SPRY3: variants seen among roughly 807,000 people sequenced by gnomAD.
SPRY3 encodes the protein protein sprouty homolog 3.
SPRY3 carries 15 observed loss-of-function variants against 20.2 expected under a neutral mutation model. The ratio of observed to expected loss-of-function variants is 0.74; its 90% CI spans 0.50 to 1.14. SPRY3 has a LOEUF of 1.14. SPRY3 is among the 50% of genes most tolerant of loss of function. The probability of loss-of-function intolerance (pLI) is 0.00; values close to 1 mark genes in which losing one functional copy is unlikely to be tolerated. For missense variants in SPRY3, 364 were observed against 363.9 expected, an observed-to-expected ratio of 1.00 and a Z score of 0.00; for synonymous variants, 143 against 136.5, an observed-to-expected ratio of 1.05 and a Z score of -0.33.
At chrX:155,755,356 C>T (rs1293456362) in intron 2 of SPRY3, among the ~76,000 whole-genome samples, 1 of 152,062 alleles carries the variant, frequency 6.6e-6, no homozygotes, top group Non-Finnish European at 1.5e-5. Flanking sequence ...TGTAACTACT[C>T]CCTCTTTATT....
intron 2 of SPRY3, among the ~76,000 whole-genome samples, chrX:155,681,062 C>A (rs941468117): frequency 5.4e-5 from 6 of 111,275 alleles, no homozygotes; most frequent in African/African-American, 2.0e-4. Flanking sequence ...AATTAATAAT[C>A]ATACAGTGGC....
At chrX:155,715,529 C>T (rs1289880825) in intron 2 of SPRY3, among the ~76,000 whole-genome samples, 1 of 152,036 alleles carries the variant, frequency 6.6e-6, no homozygotes, top group Non-Finnish European at 1.5e-5. Context: ...GTGAGCTGCA[C>T]TGCCTGTGAT....
At chrX:155,768,810 G>C (rs1426984326) in intron 3 of SPRY3, among the ~76,000 whole-genome samples, 1 of 152,090 alleles carries the variant, frequency 6.6e-6, no homozygotes, top group Non-Finnish European at 1.5e-5. Flanking sequence ...TAAGACCTAG[G>C]GCAATGGTTT....
chrX:155,709,009 T>A (rs1407800282), intron 2 of SPRY3, among the ~76,000 whole-genome samples: 2 of 151,604 alleles, frequency 1.3e-5, no homozygotes, highest in Admixed American at 6.6e-5. Flanking sequence ...GATCTCATTA[T>A]TTTTTATGAC....
At chrX:155,762,519 G>A (rs2091308398) in intron 2 of SPRY3, among the ~76,000 whole-genome samples, 1 of 152,066 alleles carries the variant, frequency 6.6e-6, no homozygotes, top group African/African-American at 2.4e-5. Flanking sequence ...ATGAGTGGAG[G>A]CTAACAGAGA....
intron 1 of SPRY3, among the ~76,000 whole-genome samples, chrX:155,651,675 C>A (rs2067977893): frequency 9.0e-6 from 1 of 111,679 alleles, no homozygotes; most frequent in Non-Finnish European, 1.9e-5. Context: ...TACCAATTTT[C>A]ATTTTATGTA....
At chrX:155,655,717 C>T (rs782435700) in intron 1 of SPRY3, among the ~76,000 whole-genome samples, 2 of 111,049 alleles carry the variant, frequency 1.8e-5, no homozygotes, top group Admixed American at 9.6e-5. Context: ...ATACCACTAC[C>T]GTGCTGTTTT....
chrX:155,660,152 A>G (rs1284647991), intron 2 of SPRY3, among the ~76,000 whole-genome samples: 1 of 111,522 alleles, frequency 9.0e-6, no homozygotes, highest in African/African-American at 3.3e-5. Context: ...TTTTGAATGT[A>G]GGCATTTAAT....
intron 1 of SPRY3, among the ~76,000 whole-genome samples, chrX:155,639,746 A>G (rs903225790): frequency 1.8e-5 from 2 of 112,117 alleles, no homozygotes; most frequent in African/African-American, 6.5e-5. Flanking sequence ...GGATTGCTGG[A>G]TCACATGATA....
chrX:155,760,660 T>C (rs2091300601), intron 2 of SPRY3, among the ~76,000 whole-genome samples: 1 of 152,168 alleles, frequency 6.6e-6, no homozygotes, highest in East Asian at 1.9e-4. Context: ...CTTTTCCGCC[T>C]CAGATTGTCA....
chrX:155,735,086 C>T (rs1378251966), intron 2 of SPRY3, among the ~76,000 whole-genome samples: 4 of 151,362 alleles, frequency 2.6e-5, no homozygotes, highest in African/African-American at 7.3e-5. Context: ...TTAACTTTTT[C>T]TGAGATTTTA....
intron 2 of SPRY3, among the ~76,000 whole-genome samples, chrX:155,761,156 A>C (rs2091302495): frequency 6.6e-6 from 1 of 152,116 alleles, no homozygotes; most frequent in Non-Finnish European, 1.5e-5. Context: ...TAAGTCACCA[A>C]TACCCTATGG....
exon 2 of SPRY3, chrX:155,782,421 CTTAT>C (rs1304232081): frequency 3.0e-5 from 5 of 166,988 alleles, no homozygotes; most frequent in East Asian, 3.9e-4. Context: ...CATCTGGCTA[CTTAT>C]TTGTTAAAAA....
exon 4 of SPRY3, chrX:155,775,980 C>G (rs2091422788): frequency 6.0e-6 from 1 of 167,096 alleles, no homozygotes; most frequent in South Asian, 2.1e-4. Flanking sequence ...GGACTTGCCC[C>G]CAAGGCCGCA....
intron 2 of SPRY3, among the ~76,000 whole-genome samples, chrX:155,716,800 G>A (rs944396002): frequency 6.6e-6 from 1 of 151,072 alleles, no homozygotes; most frequent in Admixed American, 6.6e-5. Context: ...TCAAATAACT[G>A]TAGTCCATAA....
chrX:155,717,005 TATATATAG>T (rs2091028065), intron 2 of SPRY3, among the ~76,000 whole-genome samples: 1 of 113,032 alleles, frequency 8.8e-6, no homozygotes, highest in Non-Finnish European at 1.8e-5. Context: ...TATATATATA[TATATATAG>T]CTGGGCGTGG....
intron 2 of SPRY3, among the ~76,000 whole-genome samples, chrX:155,713,573 T>C (rs2091001591): frequency 1.3e-5 from 2 of 152,180 alleles, no homozygotes; most frequent in Non-Finnish European, 1.5e-5. Context: ...CTGCCAGACA[T>C]ATTGAAGCTC....
intron 2 of SPRY3, among the ~76,000 whole-genome samples, chrX:155,671,724 G>A (rs1557354772): frequency 9.0e-6 from 1 of 111,301 alleles, no homozygotes; most frequent in Non-Finnish European, 1.9e-5. Flanking sequence ...CCTTGCCCAT[G>A]CCTATGTCCT....
chrX:155,764,425 A>T (rs1432812367), intron 2 of SPRY3, among the ~76,000 whole-genome samples: 1 of 152,230 alleles, frequency 6.6e-6, no homozygotes, highest in Non-Finnish European at 1.5e-5. Context: ...ATATAATTGT[A>T]CTATAGTGAT....
Sources: allele counts gnomAD v4.1 joint callset (sites outside exome capture counted in the v4.1 genomes callset), GRCh38; gene constraint gnomAD v4.1.1; transcripts MANE v1.5; gene names NCBI Gene and HGNC (gene_info 2026-07-23, HGNC 2026-07-21).